Variants in DNER observed in about 807,000 individuals in gnomAD.
DNER encodes delta/notch like EGF repeat containing.
Under a neutral mutation model 78.2 loss-of-function variants are expected in DNER, and 33 were observed. The observed-to-expected ratio is 0.42, with a 90% CI of 0.32 to 0.56. The LOEUF (loss-of-function observed/expected upper bound fraction) is 0.56, where lower values mean the gene tolerates loss of function less well. Ranked by LOEUF, DNER falls within the 20% of genes least tolerant of loss-of-function variation. DNER has a pLI of 0.11. For missense variants in DNER, 918 were observed against 975.3 expected (o/e 0.94, Z 0.78); for synonymous variants, 417 against 384.8 (o/e 1.08, Z -0.98).
intron 1 of DNER, among the ~76,000 whole-genome samples, chr2:229,655,260 C>T (rs1429329216): frequency 6.6e-6 from 1 of 151,388 alleles, no homozygotes; most frequent in Non-Finnish European, 1.5e-5. Context: ...AAATATATAA[C>T]AAAAATAATT....
At position 229,522,928 on chromosome 2, in the gene DNER, A is replaced by G. The variant is rs185297834; in HGVS notation, c.994-9992T>C. Among the ~76,000 whole-genome samples the G allele has an allele frequency of 1.5e-4, 23 of 152,376 alleles. 1 individual carries two copies. The highest frequency in any genetic ancestry group is 5.5e-4 in the African/African-American group (23 of 41,598). ...TTTTCCATGTTACCAATGAGGAAAC[A>G]AATCAGACAATTTAAGTGGCTTGCT... is the stretch of plus-strand genomic sequence containing the variant. On this transcript the variant is annotated intron_variant, in intron 5 of 12. Transcript: ENST00000341772.
At chr2:229,486,702 G>T (rs560447203) in intron 6 of DNER, among the ~76,000 whole-genome samples, 1 of 152,174 alleles carries the variant, frequency 6.6e-6, no homozygotes, top group South Asian at 2.1e-4. Context: ...AATATTTTTT[G>T]AGTGAAATTT....
rs1695888313 is a variant in DNER at position 229,512,672 on chromosome 2, C to T, written c.1147+111G>A. On this transcript the variant is annotated intron_variant, in intron 6 of 12. Transcript: ENST00000341772. ...CTCACAAATCACCAAAAAGAACTTACTCATGTAACCAAGTACCACCTGTTC... is the reference window on the plus strand; with the variant it reads ...CTCACAAATCACCAAAAAGAACTTATTCATGTAACCAAGTACCACCTGTTC... The T allele has an allele frequency of 6.3e-6, 9 of 1,432,782 alleles. No homozygotes were observed. The South Asian group carries it at 8.2e-5, about 13-fold the overall frequency. The allele number at this position is 1,432,782 out of a possible 1,614,324, so 88.8% of individuals were successfully genotyped here. A position where few individuals can be genotyped will look rare whatever the true frequency, so the allele number is the denominator to read the frequency against.
At chr2:229,644,062 C>T (rs35596599) in intron 1 of DNER, among the ~76,000 whole-genome samples, 64,433 of 151,720 alleles carry the variant, frequency 0.42, 16,854 homozygotes, top group Non-Finnish European at 0.59. Flanking sequence ...AGTGAACACC[C>T]AGACAATGCC....
chr2:229,469,200 C>A (rs1694869652), intron 7 of DNER, among the ~76,000 whole-genome samples: 1 of 152,142 alleles, frequency 6.6e-6, no homozygotes, highest in Non-Finnish European at 1.5e-5. Context: ...CCTCAACGAG[C>A]CCAGAGCCCC....
intron 1 of DNER, among the ~76,000 whole-genome samples, chr2:229,625,348 G>T (rs1034554094): frequency 6.6e-6 from 1 of 152,062 alleles, no homozygotes; most frequent in African/African-American, 2.4e-5. Flanking sequence ...TCTGACACCT[G>T]CTTCCCGATT....
Position 229,450,300 on chromosome 2 carries a change from A to G in DNER, c.1262-2760T>C, listed in dbSNP as rs140038999. ...AAAGAATATCTAGGGAGGGTCAAAG[A>G]TAAGAAAAATCAGGAACAAGAAGCT... On this transcript the variant is annotated intron_variant, in intron 7 of 12. Coordinates refer to ENST00000341772, the MANE Select transcript of DNER (RefSeq NM_139072.4). Among the ~76,000 whole-genome samples the G allele has an allele frequency of 2.0e-3, 311 of 152,312 alleles. 1 individual carries two copies. In the Middle Eastern group the frequency reaches 0.024, roughly 12 times the overall value.
At chr2:229,652,945 G>A (rs1028006711) in intron 1 of DNER, among the ~76,000 whole-genome samples, 1 of 152,236 alleles carries the variant, frequency 6.6e-6, no homozygotes, top group Non-Finnish European at 1.5e-5. Flanking sequence ...GAGTGGGGTC[G>A]GGGATGATTA....
At chr2:229,470,172 C>T (rs1694894513) in intron 7 of DNER, among the ~76,000 whole-genome samples, 2 of 149,622 alleles carry the variant, frequency 1.3e-5, no homozygotes, top group Middle Eastern at 6.9e-3. Flanking sequence ...CAGATCTTGA[C>T]ACACACCTTT....
chr2:229,512,675 A>T, intron 6 of DNER, 108 bp downstream of exon 6: 1 of 1,460,132 alleles, frequency 6.8e-7, no homozygotes, highest in Non-Finnish European at 9.3e-7. Context: ...GAACTTACTC[A>T]TGTAACCAAG....
intron 9 of DNER, among the ~76,000 whole-genome samples, chr2:229,410,659 C>T (rs1046696648): frequency 3.3e-5 from 5 of 152,184 alleles, no homozygotes; most frequent in Admixed American, 1.3e-4. Flanking sequence ...TCATACTTTT[C>T]GTATTAAGGG....
intron 10 of DNER, among the ~76,000 whole-genome samples, chr2:229,394,166 G>A (rs1263546129): frequency 6.6e-6 from 1 of 152,166 alleles, no homozygotes; most frequent in Admixed American, 6.5e-5. Flanking sequence ...AAGGATTCCA[G>A]TTTATGTACT....
At chr2:229,418,302 G>A (rs1421078541) in intron 8 of DNER, 72 bp from the exon 9 acceptor site, 36 of 1,597,758 alleles carry the variant, frequency 2.3e-5, no homozygotes, top group Non-Finnish European at 3.0e-5. Flanking sequence ...AGCCTGCAAG[G>A]AAGGCAGTTG....
rs1487658447 is a variant in DNER at position 229,489,310 on chromosome 2, C to T, written c.1148-12057G>A. The stretch of plus-strand genomic sequence containing the variant: ...GGAGAGTCATCATAAATAAAGGAAA[C>T]TTGGTGGCACTCCAAAGATAACTGA... On this transcript the variant is annotated intron_variant, in intron 6 of 12. Coordinates refer to ENST00000341772, the MANE Select transcript of DNER (RefSeq NM_139072.4). Among the ~76,000 whole-genome samples, 3 of 152,286 alleles carry T rather than the reference C, an allele frequency of 2.0e-5. No homozygotes were observed. In the East Asian group the frequency reaches 5.8e-4, roughly 29 times the overall value.
chr2:229,404,170 T>C (rs1693330630), intron 10 of DNER, among the ~76,000 whole-genome samples: 1 of 151,934 alleles, frequency 6.6e-6, no homozygotes, highest in Non-Finnish European at 1.5e-5. Context: ...GAGTCCTTGG[T>C]AGTTGGATGG....
At chr2:229,617,565 T>A (rs1698187552) in intron 1 of DNER, among the ~76,000 whole-genome samples, 1 of 152,220 alleles carries the variant, frequency 6.6e-6, no homozygotes, top group Admixed American at 6.5e-5. Context: ...AAAGTTTATA[T>A]TTTTTGCTGA....
intron 7 of DNER, 106 bp from the exon 8 acceptor site, chr2:229,447,646 A>G: frequency 8.1e-7 from 1 of 1,231,222 alleles, no homozygotes; most frequent in Non-Finnish European, 1.1e-6. Flanking sequence ...TAATTCATTC[A>G]CAGCTTCCAG....
At chr2:229,679,562 CA>C (rs1173482010) in intron 1 of DNER, among the ~76,000 whole-genome samples, 1 of 152,118 alleles carries the variant, frequency 6.6e-6, no homozygotes, top group Non-Finnish European at 1.5e-5. Context: ...CAGTTTAAAA[CA>C]GTGGTCTCAA....
intron 1 of DNER, among the ~76,000 whole-genome samples, chr2:229,686,501 C>T (rs1013507439): frequency 6.6e-6 from 1 of 152,218 alleles, no homozygotes; most frequent in African/African-American, 2.4e-5. Flanking sequence ...AACAAGCCAA[C>T]AGAGGCAAAC....
Sources: allele counts gnomAD v4.1 joint callset (sites outside exome capture counted in the v4.1 genomes callset), GRCh38; gene constraint gnomAD v4.1.1; transcripts MANE v1.5; gene names NCBI Gene and HGNC (gene_info 2026-07-23, HGNC 2026-07-21).